Variants in MYO1D observed in about 807,000 individuals in gnomAD.
MYO1D encodes unconventional myosin-Id.
Under a neutral mutation model 122.0 loss-of-function variants are expected in MYO1D, and 83 were observed. The ratio of observed to expected loss-of-function variants is 0.68; its 90% confidence interval spans 0.57 to 0.82. MYO1D has a LOEUF of 0.82. Among genes scored for constraint, MYO1D ranks in the 40% least tolerant of loss-of-function variants. MYO1D has a pLI of 0.00. For missense variants in MYO1D, 1,157 were observed against 1,269.5 expected (o/e 0.91, Z 1.35); for synonymous variants, 464 against 446.9 (o/e 1.04, Z -0.48).
At chr17:32,691,446 G>A (rs1400024039) in intron 16 of MYO1D, among the ~76,000 whole-genome samples, 6 of 132,346 alleles carry the variant, frequency 4.5e-5, no homozygotes, top group Non-Finnish European at 6.1e-5. Flanking sequence ...TTACTCTGTC[G>A]CCCAGGCTGG....
chr17:32,669,712 T>G (rs1331612057), intron 16 of MYO1D, among the ~76,000 whole-genome samples: 1 of 152,032 alleles, frequency 6.6e-6, no homozygotes, highest in East Asian at 1.9e-4. Flanking sequence ...TCAAACAAAA[T>G]AAAAGAATTA....
chr17:32,768,732 TA>T (rs2090085481), intron 6 of MYO1D, among the ~76,000 whole-genome samples: 1 of 152,118 alleles, frequency 6.6e-6, no homozygotes, highest in African/African-American at 2.4e-5. Flanking sequence ...ATGGGCATAA[TA>T]ACATATATCT....
chr17:32,738,150 A>C (rs565037064), intron 14 of MYO1D, 103 bp downstream of exon 14: 11 of 1,008,072 alleles, frequency 1.1e-5, no homozygotes, highest in Admixed American at 5.6e-5. Context: ...ATATTCTTCA[A>C]TCTACATGAT....
chr17:32,644,360 C>A (rs563307111), intron 19 of MYO1D, among the ~76,000 whole-genome samples: 1 of 151,850 alleles, frequency 6.6e-6, no homozygotes, highest in Non-Finnish European at 1.5e-5. Context: ...GGAATAAGTG[C>A]GGCGTGGTGC....
rs58466009 is a variant in MYO1D, at chr17:32,818,125, C to CAAAAAAA, written c.96-37348_96-37342dup. ...TGGGCGACAGAGCGAGACTCCGTCT[C>CAAAAAAA]AAAAAAAAAAAAAAAAAAAAGAGGT... On this transcript the variant is annotated intron_variant, in intron 1 of 21. Transcript: ENST00000318217. 6.1e-4 allele frequency among the ~76,000 whole-genome samples: 28 copies of CAAAAAAA among 46,000 alleles called. 1 individual carries two copies. The highest frequency in any genetic ancestry group is 3.2e-3 in the East Asian group (4 of 1,244). The allele number at this position is 46,000 out of a possible 152,430, so 30.2% of individuals were successfully genotyped here.
chr17:32,869,912 G>A (rs2091164306), intron 1 of MYO1D, among the ~76,000 whole-genome samples: 1 of 152,006 alleles, frequency 6.6e-6, no homozygotes, highest in African/African-American at 2.4e-5. Flanking sequence ...CAGCCTGGGT[G>A]ACAGAGTGAG....
intron 1 of MYO1D, among the ~76,000 whole-genome samples, chr17:32,831,951 T>C (rs555145117): frequency 2.0e-5 from 3 of 152,244 alleles, no homozygotes; most frequent in Admixed American, 1.3e-4. Context: ...CAGGGGAAAC[T>C]AACCTTGGAG....
At chr17:32,647,615 T>G (rs763574528) in intron 19 of MYO1D, among the ~76,000 whole-genome samples, 17 of 152,116 alleles carry the variant, frequency 1.1e-4, no homozygotes, top group Non-Finnish European at 2.2e-4. Context: ...GTGTACTAGA[T>G]AGTGAATATG....
At chr17:32,658,546 TTTTA>T (rs1163936897) in intron 17 of MYO1D, 1 of 152,292 alleles carries the variant, frequency 6.6e-6, no homozygotes, top group African/African-American at 2.4e-5. Context: ...TTACTTGGGT[TTTTA>T]TTTATTTAAA....
At chr17:32,628,054 C>T (rs2087951130) in intron 20 of MYO1D, among the ~76,000 whole-genome samples, 1 of 152,134 alleles carries the variant, frequency 6.6e-6, no homozygotes, top group Non-Finnish European at 1.5e-5. Flanking sequence ...AAGTTTTGGA[C>T]ACAATATTGC....
intron 16 of MYO1D, among the ~76,000 whole-genome samples, chr17:32,703,768 G>C (rs1202758257): frequency 1.3e-5 from 2 of 152,002 alleles, no homozygotes; most frequent in African/African-American, 4.8e-5. Flanking sequence ...TTATGCATTT[G>C]GTACATTGTT....
chr17:32,506,752 A>C (rs1043331846), intron 21 of MYO1D, among the ~76,000 whole-genome samples: 1 of 152,254 alleles, frequency 6.6e-6, no homozygotes, highest in Non-Finnish European at 1.5e-5. Flanking sequence ...ATGACAGTTT[A>C]GGTAGGGAAT....
intron 16 of MYO1D, among the ~76,000 whole-genome samples, chr17:32,709,360 A>G (rs2089346975): frequency 6.6e-6 from 1 of 152,180 alleles, no homozygotes; most frequent in Admixed American, 6.5e-5. Context: ...AGAAAAAAAG[A>G]CATAGTAACA....
intron 21 of MYO1D, among the ~76,000 whole-genome samples, chr17:32,575,756 T>C (rs1432771351): frequency 2.0e-5 from 3 of 152,218 alleles, no homozygotes; most frequent in Admixed American, 6.5e-5. Flanking sequence ...GACTGCTAGA[T>C]TGATGGGTCA....
intron 21 of MYO1D, among the ~76,000 whole-genome samples, chr17:32,585,599 G>A (rs2157842): frequency 0.19 from 28,691 of 151,882 alleles, 2,765 homozygotes; most frequent in Middle Eastern, 0.29. Flanking sequence ...GTGTGGTAGC[G>A]GGCGCCTGTA....
intron 17 of MYO1D, 153 bp downstream of exon 17, chr17:32,658,962 G>T: frequency 1.3e-6 from 1 of 779,474 alleles, no homozygotes; most frequent in Non-Finnish European, 2.0e-6. Flanking sequence ...GATGCTCTTT[G>T]AAAGCCAAAT....
Position 32,694,312 on chromosome 17 carries a change from C to T in MYO1D, c.2121+17676G>A, listed in dbSNP as rs536723550. 1.4e-4 allele frequency among the ~76,000 whole-genome samples: 22 copies of T among 152,144 alleles called. No homozygotes were observed. In the South Asian group the frequency reaches 2.9e-3, roughly 20 times the overall value. ...TCATCCTGACCCAACTTTAACATGC[C>T]GGTTATTAATAAACCAATGACCTAC... On this transcript the variant is annotated intron_variant, in intron 16 of 21. Transcript: ENST00000318217.
chr17:32,836,980 C>A (rs1245126195), intron 1 of MYO1D, among the ~76,000 whole-genome samples: 1 of 152,052 alleles, frequency 6.6e-6, no homozygotes, highest in African/African-American at 2.4e-5. Flanking sequence ...TCCAAAGTGG[C>A]TGAAGTAATT....
At chr17:32,678,556 A>G (rs1282600211) in intron 16 of MYO1D, among the ~76,000 whole-genome samples, 10 of 150,914 alleles carry the variant, frequency 6.6e-5, no homozygotes, top group Non-Finnish European at 1.2e-4. Flanking sequence ...ATGATTTCCA[A>G]TTTCATCCAT....
Sources: allele counts gnomAD v4.1 joint callset (sites outside exome capture counted in the v4.1 genomes callset), GRCh38; gene constraint gnomAD v4.1.1; transcripts MANE v1.5; gene names NCBI Gene and HGNC (gene_info 2026-07-23, HGNC 2026-07-21).